MRAP: variants seen among roughly 807,000 people sequenced by gnomAD.
MRAP encodes melanocortin 2 receptor accessory protein.
A neutral mutation model predicts 8.7 loss-of-function variants in MRAP; 8 were observed. The observed-to-expected ratio is 0.92, with a 90% CI of 0.54 to 1.66. The LOEUF is 1.66. MRAP is among the 40% of genes most tolerant of loss of function. The pLI, the probability that MRAP is intolerant of heterozygous loss-of-function variation, is 0.00. For synonymous variants in MRAP, 95 were observed against 95.5 expected (o/e 1.00, Z 0.03); for missense variants, 237 against 217.1 (o/e 1.09, Z -0.58).
At chr21:32,294,548 G>A (rs957787776), upstream of MRAP, among the ~76,000 whole-genome samples, 1 of 152,038 alleles carries the variant, frequency 6.6e-6, no homozygotes, top group Admixed American at 6.6e-5. Flanking sequence ...TTTTAATTGG[G>A]TTATCTGTCT....
chr21:32,302,439 C>T (rs2032315241), intron 1 of MRAP, among the ~76,000 whole-genome samples: 1 of 152,162 alleles, frequency 6.6e-6, no homozygotes, highest in Admixed American at 6.5e-5. Flanking sequence ...TTGAAGGTCA[C>T]CTTTCATTTG....
chr21:32,314,524 A>G, downstream of MRAP: 1 of 1,599,762 alleles, frequency 6.3e-7, no homozygotes, highest in Non-Finnish European at 8.6e-7. Context: ...TTTCATAAAA[A>G]AAATCTGATA....
At chr21:32,301,029 TATATCAAATATATCATATGATATATATC>T (rs2032284162) in intron 1 of MRAP, among the ~76,000 whole-genome samples, 1 of 149,268 alleles carries the variant, frequency 6.7e-6, no homozygotes, top group Non-Finnish European at 1.5e-5. Flanking sequence ...ATGTATCAGA[TATATCAAATATATCATATGATATATATC>T]ATATCATATA....
chr21:32,306,752 G>C lies in MRAP; in HGVS notation c.206+13G>C, dbSNP rs749474036. 6.2e-7 allele frequency: 1 copy of C among 1,608,516 alleles called. No homozygotes were observed. Among genetic ancestry groups the C allele is most frequent in the Non-Finnish European group, 8.5e-7 (1 of 1,174,954 alleles). ...CCCCGCAGATGAGGTGGGTAAGAAGGGGTGTGAGTCTGTGGGTCACTCAGA... is the reference window on the plus strand; with the variant it reads ...CCCCGCAGATGAGGTGGGTAAGAAGCGGTGTGAGTCTGTGGGTCACTCAGA... On this transcript the variant is annotated intron_variant, in intron 2 of 2. Coordinates refer to ENST00000303645, the MANE Select transcript of MRAP (RefSeq NM_001379228.1).
At chr21:32,313,349 G>C (rs1392938899), downstream of MRAP, 1 of 152,272 alleles carries the variant, frequency 6.6e-6, no homozygotes, top group Non-Finnish European at 1.5e-5. Flanking sequence ...ATAGGCCTTG[G>C]AGAGGTGGAT....
intron 2 of MRAP, chr21:32,311,218 G>A (rs1003051218): frequency 3.0e-5 from 5 of 165,954 alleles, no homozygotes; most frequent in South Asian, 3.4e-4. Flanking sequence ...GGGAAGACCC[G>A]CCCCCATGAT....
downstream of MRAP, chr21:32,314,053 A>G (rs898772079): frequency 1.9e-5 from 3 of 154,286 alleles, no homozygotes; most frequent in African/African-American, 7.2e-5. Flanking sequence ...GCAGAGGTCA[A>G]ATCACTTTTA....
chr21:32,314,634 G>C (rs779704092), downstream of MRAP: 1 of 1,614,176 alleles, frequency 6.2e-7, no homozygotes, highest in Non-Finnish European at 8.5e-7. Context: ...CAAGCCCCTA[G>C]AGAGGAAGGG....
chr21:32,297,946 G>A (rs1484819391), upstream of MRAP, among the ~76,000 whole-genome samples: 3 of 152,176 alleles, frequency 2.0e-5, no homozygotes, highest in Non-Finnish European at 4.4e-5. Context: ...TGTCTACACT[G>A]TCAATACCCA....
At position 32,306,361 on chromosome 21, in the gene MRAP, T is replaced by TG. The variant is rs942956158; in HGVS notation, c.107-272dup. 89 of 445,224 alleles carry TG rather than the reference T, an allele frequency of 2.0e-4. 1 individual carries two copies. The highest frequency in any genetic ancestry group is 1.3e-3 in the South Asian group (67 of 49,674). The allele number at this position is 445,224 out of a possible 1,614,324, so 27.6% of individuals were successfully genotyped here. ...GAGCCGGGCAAGCAGATGCATGGGG[T>TG]GGGGGGGCACACAATTCCATTCAGT... On this transcript the variant is annotated intron_variant, in intron 1 of 2. Transcript: ENST00000303645.
rs771143357 is a variant in MRAP at position 32,306,753 on chromosome 21, G to C, written c.206+14G>C. Reference sequence around the variant, plus strand: ...CCCGCAGATGAGGTGGGTAAGAAGGGGTGTGAGTCTGTGGGTCACTCAGAC... The same window carrying C: ...CCCGCAGATGAGGTGGGTAAGAAGGCGTGTGAGTCTGTGGGTCACTCAGAC... On this transcript the variant is annotated intron_variant, in intron 2 of 2. Transcript: ENST00000303645. 10 of 1,606,992 alleles carry C rather than the reference G, an allele frequency of 6.2e-6. No individual in the cohort carries two copies. In the East Asian group the frequency reaches 2.2e-4, roughly 36 times the overall value.
chr21:32,300,705 A>ATTCGTCCTATGTCAGATGTGTCG lies in MRAP; in HGVS notation c.106+1629_106+1630insTCGTCCTATGTCAGATGTGTCGT, dbSNP rs1332226565. Among the ~76,000 whole-genome samples, 42 of 116,834 alleles carry ATTCGTCCTATGTCAGATGTGTCG rather than the reference A, an allele frequency of 3.6e-4. 2 individuals carry two copies. Among genetic ancestry groups the ATTCGTCCTATGTCAGATGTGTCG allele is most frequent in the African/African-American group, 1.4e-3 (33 of 23,856 alleles). 76.6% of individuals were successfully genotyped at this position (116,834 alleles called of 152,430 possible). On this transcript the variant is annotated intron_variant, in intron 1 of 2. Transcript: ENST00000303645. ...TCACGCGTCCTATGTCAGGGGCGTCATGCGTCCTATGTCGGGGCGTCATTC... is the reference window on the plus strand; with the variant it reads ...TCACGCGTCCTATGTCAGGGGCGTCATTCGTCCTATGTCAGATGTGTCGTGCGTCCTATGTCGGGGCGTCATTC...
At position 32,298,886 on chromosome 21, in the gene MRAP, C is replaced by A; in HGVS notation, c.-86C>A. 1.1e-6 allele frequency: 1 copy of A among 897,552 alleles called. No homozygotes were observed. Among genetic ancestry groups the A allele is most frequent in the Non-Finnish European group, 1.8e-6 (1 of 540,656 alleles). 55.6% of individuals were successfully genotyped at this position (897,552 alleles called of 1,614,324 possible). ...ACACTTGGACGATTCCTGCAGAAAT[C>A]AGTGAGGCAGTCTCCTCCCAGGGGC... On this transcript the variant is annotated 5_prime_UTR_variant, in exon 1 of 3. Coordinates refer to ENST00000303645, the MANE Select transcript of MRAP (RefSeq NM_001379228.1).
At chr21:32,313,696 T>C (rs967025077), downstream of MRAP, 1 of 152,168 alleles carries the variant, frequency 6.6e-6, no homozygotes, top group African/African-American at 2.4e-5. Context: ...GTCAGCACGA[T>C]GTACATTATA....
downstream of MRAP, chr21:32,314,654 C>G: frequency 6.2e-7 from 1 of 1,613,842 alleles, no homozygotes; most frequent in Non-Finnish European, 8.5e-7. Context: ...GGCGGCCTGA[C>G]GAGGCACTGG....
chr21:32,298,915 G>T lies in MRAP; in HGVS notation c.-57G>T. 7.8e-7 allele frequency: 1 copy of T among 1,281,236 alleles called. No homozygotes were observed. 79.4% of individuals were successfully genotyped at this position (1,281,236 alleles called of 1,614,324 possible). A position where few individuals can be genotyped will look rare whatever the true frequency, so the allele number is the denominator to read the frequency against. On this transcript the variant is annotated 5_prime_UTR_variant, in exon 1 of 3. Coordinates refer to ENST00000303645, the MANE Select transcript of MRAP (RefSeq NM_001379228.1). ...GAGGCAGTCTCCTCCCAGGGGCTTG[G>T]CGCCTGGCTCGAGGCGAGGCTGCCG...
chr21:32,306,741 T>G lies in MRAP; in HGVS notation c.206+2T>G. ...CTGGTCCGCCTCCCCGCAGATGAGG[T>G]GGGTAAGAAGGGGTGTGAGTCTGTG... is the stretch of plus-strand genomic sequence containing the variant. On this transcript the variant is annotated splice_donor_variant, in intron 2 of 2. Transcript: ENST00000303645. LOFTEE classifies it high-confidence loss of function. 2 of 1,612,948 alleles carry G rather than the reference T, an allele frequency of 1.2e-6. No homozygotes were observed. Among genetic ancestry groups the G allele is most frequent in the Non-Finnish European group, 8.5e-7 (1 of 1,179,154 alleles).
chr21:32,301,571 G>C (rs886944120), intron 1 of MRAP, among the ~76,000 whole-genome samples: 3 of 152,130 alleles, frequency 2.0e-5, no homozygotes, highest in Admixed American at 2.0e-4. Context: ...GCCCTTTTCC[G>C]AGGCTAAGCT....
At chr21:32,313,492 G>C (rs1411060021), downstream of MRAP, 1 of 152,222 alleles carries the variant, frequency 6.6e-6, no homozygotes, top group African/African-American at 2.4e-5. Context: ...ATTTGGGTAG[G>C]GAAGGGGACA....
Sources: allele counts gnomAD v4.1 joint callset (sites outside exome capture counted in the v4.1 genomes callset), GRCh38; gene constraint gnomAD v4.1.1; transcripts MANE v1.5; gene names NCBI Gene and HGNC (gene_info 2026-07-23, HGNC 2026-07-21).